ATRNL1: variants seen among roughly 807,000 people sequenced by gnomAD.
ATRNL1 encodes attractin-like protein 1.
A neutral mutation model predicts 182.7 loss-of-function variants in ATRNL1; 95 were observed. That is an observed-to-expected ratio of 0.52 (90% CI 0.44 to 0.62). The LOEUF (loss-of-function observed/expected upper bound fraction) is 0.62. Among genes scored for constraint, ATRNL1 ranks in the 20% least tolerant of loss-of-function variants. The pLI is 0.00. For missense variants in ATRNL1, 1,471 were observed against 1,679.5 expected (o/e 0.88, Z 2.17); for synonymous variants, 576 against 568.3 (o/e 1.01, Z -0.19).
intron 26 of ATRNL1, among the ~76,000 whole-genome samples, chr10:115,688,920 T>G (rs982869883): frequency 6.6e-6 from 1 of 152,184 alleles, no homozygotes; most frequent in Non-Finnish European, 1.5e-5. Context: ...CTAGTAGTTT[T>G]ATAGTTTTGG....
chr10:115,580,286 G>T (rs1241318696), intron 26 of ATRNL1, among the ~76,000 whole-genome samples: 1 of 152,070 alleles, frequency 6.6e-6, no homozygotes, highest in Non-Finnish European at 1.5e-5. Context: ...CATAAGAAAT[G>T]TCTAGTGGTG....
chr10:115,462,330 T>A (rs547076916), intron 22 of ATRNL1, among the ~76,000 whole-genome samples: 5 of 152,238 alleles, frequency 3.3e-5, no homozygotes, highest in Admixed American at 1.3e-4. Flanking sequence ...AAAATAAAAC[T>A]CGTTCGGGCG....
At chr10:115,921,746 GTAGC>G (rs1240949248) in intron 28 of ATRNL1, among the ~76,000 whole-genome samples, 2 of 152,170 alleles carry the variant, frequency 1.3e-5, no homozygotes, top group Non-Finnish European at 2.9e-5. Context: ...ACTTCATGCA[GTAGC>G]TAATCTTTTT....
chr10:115,377,654 G>A (rs1251391559), intron 19 of ATRNL1, among the ~76,000 whole-genome samples: 1 of 152,108 alleles, frequency 6.6e-6, no homozygotes, highest in Non-Finnish European at 1.5e-5. Flanking sequence ...TGCAGCTGAG[G>A]AGCAAACACC....
At chr10:115,668,875 G>C (rs941276839) in intron 26 of ATRNL1, among the ~76,000 whole-genome samples, 1 of 152,016 alleles carries the variant, frequency 6.6e-6, no homozygotes, top group Non-Finnish European at 1.5e-5. Flanking sequence ...ATGGTCATAT[G>C]ATTACTCAGT....
rs375414370 is a variant in ATRNL1 at position 115,403,494 on chromosome 10, C to T, written c.3269+8742C>T. Among the ~76,000 whole-genome samples the T allele has an allele frequency of 7.4e-4, 112 of 152,148 alleles. 1 individual carries two copies. In the East Asian group the frequency reaches 0.014, roughly 19 times the overall value. On this transcript the variant is annotated intron_variant, in intron 20 of 28. Transcript: ENST00000355044. Reference sequence around the variant, plus strand: ...GTTTTGAGACAAAGTCTAGCTCTGTCCCCCAGACTGGAGTGCAATGGCACA... The same window carrying T: ...GTTTTGAGACAAAGTCTAGCTCTGTTCCCCAGACTGGAGTGCAATGGCACA...
intron 9 of ATRNL1, among the ~76,000 whole-genome samples, chr10:115,237,938 T>G (rs111735864): frequency 1.6e-4 from 24 of 152,348 alleles, no homozygotes; most frequent in African/African-American, 5.5e-4. Flanking sequence ...AGATGATTAT[T>G]TCTGTTATTA....
chr10:115,583,711 C>A (rs1393169537), intron 26 of ATRNL1, among the ~76,000 whole-genome samples: 1 of 149,948 alleles, frequency 6.7e-6, no homozygotes, highest in African/African-American at 2.4e-5. Flanking sequence ...GACAATTTGA[C>A]TTCCTCTTTT....
chr10:115,381,698 A>G (rs191917834), intron 19 of ATRNL1, among the ~76,000 whole-genome samples: 134 of 152,134 alleles, frequency 8.8e-4, no homozygotes, highest in Non-Finnish European at 2.1e-4. Context: ...TTGTAGCACA[A>G]TATTTTTAAA....
chr10:115,186,126 A>AAAC (rs1554888687), intron 8 of ATRNL1, among the ~76,000 whole-genome samples: 1 of 151,988 alleles, frequency 6.6e-6, no homozygotes, highest in Non-Finnish European at 1.5e-5. Flanking sequence ...CAAAATGTAT[A>AAAC]AACAACAACT....
chr10:115,583,832 T>C (rs1855303162), intron 26 of ATRNL1, among the ~76,000 whole-genome samples: 1 of 150,522 alleles, frequency 6.6e-6, no homozygotes, highest in South Asian at 2.1e-4. Flanking sequence ...TTGTGCCAGT[T>C]TTCAAAGGGA....
At chr10:115,756,279 C>T (rs1261686883) in intron 27 of ATRNL1, among the ~76,000 whole-genome samples, 3 of 152,066 alleles carry the variant, frequency 2.0e-5, no homozygotes, top group Non-Finnish European at 1.5e-5. Flanking sequence ...TAGATCTTTC[C>T]TGCTTTCTCT....
At chr10:115,691,927 T>A (rs1946407431) in intron 26 of ATRNL1, among the ~76,000 whole-genome samples, 1 of 152,228 alleles carries the variant, frequency 6.6e-6, no homozygotes, top group Admixed American at 6.5e-5. Flanking sequence ...TTTATTTTGC[T>A]GATTGTTTCC....
At chr10:115,279,509 T>C (rs1276446627) in intron 13 of ATRNL1, among the ~76,000 whole-genome samples, 2 of 152,216 alleles carry the variant, frequency 1.3e-5, no homozygotes, top group Admixed American at 6.5e-5. Context: ...CCCTCTTCAG[T>C]CAACAGATAG....
intron 8 of ATRNL1, among the ~76,000 whole-genome samples, chr10:115,192,753 C>T (rs1322992140): frequency 2.0e-5 from 3 of 151,878 alleles, no homozygotes; most frequent in African/African-American, 4.8e-5. Flanking sequence ...TCATCAGTGT[C>T]TTATAATTTC....
intron 27 of ATRNL1, among the ~76,000 whole-genome samples, chr10:115,753,588 G>T (rs1948508415): frequency 1.3e-5 from 2 of 152,122 alleles, no homozygotes; most frequent in Non-Finnish European, 2.9e-5. Flanking sequence ...ATGAGCATTT[G>T]GGTTGGTTCC....
At chr10:115,916,490 G>A (rs1952856304) in intron 28 of ATRNL1, among the ~76,000 whole-genome samples, 1 of 152,196 alleles carries the variant, frequency 6.6e-6, no homozygotes, top group African/African-American at 2.4e-5. Flanking sequence ...CTTAAAGCAA[G>A]TGAACTTGCA....
At chr10:115,817,767 G>GTTT (rs35789775) in intron 27 of ATRNL1, among the ~76,000 whole-genome samples, 7 of 145,808 alleles carry the variant, frequency 4.8e-5, no homozygotes, top group Admixed American at 4.8e-4. Flanking sequence ...TAAAAAAGTA[G>GTTT]TTTTTTTTTT....
At chr10:115,893,036 A>G (rs1346222252) in intron 28 of ATRNL1, among the ~76,000 whole-genome samples, 2 of 152,226 alleles carry the variant, frequency 1.3e-5, no homozygotes, top group Non-Finnish European at 2.9e-5. Flanking sequence ...CCATAAACAG[A>G]CTATGCTTCA....
Sources: gnomAD v4.1 joint callset for allele counts (sites outside exome capture counted in the v4.1 genomes callset) on GRCh38, gnomAD v4.1.1 for gene constraint, MANE v1.5 for transcripts, NCBI Gene and HGNC (gene_info 2026-07-23, HGNC 2026-07-21) for gene names.